FOXO3: variants seen among roughly 807,000 people sequenced by gnomAD.
FOXO3 encodes forkhead box protein O3.
A neutral mutation model predicts 41.9 loss-of-function variants in FOXO3; 4 were observed. That is an observed-to-expected ratio of 0.10 (90% CI 0.05 to 0.22). FOXO3 has a LOEUF of 0.22. FOXO3 is among the 10% of genes least tolerant of loss of function. The pLI, the probability that FOXO3 is intolerant of heterozygous loss-of-function variation, is 1.00. For missense variants in FOXO3, 534 were observed against 906.8 expected (o/e 0.59, Z 5.28); for synonymous variants, 318 against 389.3 (o/e 0.82, Z 2.16).
chr6:108,617,391 A>C lies in FOXO3; in HGVS notation c.622-46064A>C, dbSNP rs1777543456. Among the ~76,000 whole-genome samples the C allele has an allele frequency of 4.6e-5, 7 of 151,944 alleles. No individual in the cohort carries two copies. The South Asian group carries it at 1.5e-3, about 32-fold the overall frequency. ...ATACCAGGCATTGTGAATTTTACATAGTTTTTTTTTCATATTAAACAAGAA... is the reference window on the plus strand; with the variant it reads ...ATACCAGGCATTGTGAATTTTACATCGTTTTTTTTTCATATTAAACAAGAA... On this transcript the variant is annotated intron_variant, in intron 1 of 2. Transcript: ENST00000406360.
At chr6:108,647,984 A>G (rs1033531304) in intron 1 of FOXO3, among the ~76,000 whole-genome samples, 7 of 152,186 alleles carry the variant, frequency 4.6e-5, no homozygotes, top group African/African-American at 1.7e-4. Flanking sequence ...GAAAGAAGAA[A>G]ATTTATGTGG....
Position 108,683,285 on chromosome 6 carries a change from C to T in FOXO3, c.*3493C>T, listed in dbSNP as rs973130397. The T allele has an allele frequency of 1.5e-4, 23 of 152,110 alleles. 1 individual carries two copies. Among genetic ancestry groups the T allele is most frequent in the Admixed American group, 1.4e-3 (21 of 15,264 alleles). The allele number at this position is 152,110 out of a possible 1,614,324, so 9.4% of individuals were successfully genotyped here. On this transcript the variant is annotated 3_prime_UTR_variant, in exon 3 of 3. Transcript: ENST00000406360. ...CTTACTACTCAGGACAAGTATGCCCCGCTCAGGGTGTGATTTCAGGTGGCT... is the reference window on the plus strand; with the variant it reads ...CTTACTACTCAGGACAAGTATGCCCTGCTCAGGGTGTGATTTCAGGTGGCT...
chr6:108,644,673 C>A (rs780463380), intron 1 of FOXO3, among the ~76,000 whole-genome samples: 15 of 152,302 alleles, frequency 9.8e-5, no homozygotes, highest in East Asian at 1.9e-4. Context: ...TCCATTTCCT[C>A]TCTAGGTACA....
At chr6:108,672,911 G>T (rs1779258659) in intron 2 of FOXO3, among the ~76,000 whole-genome samples, 1 of 151,880 alleles carries the variant, frequency 6.6e-6, no homozygotes, top group South Asian at 2.1e-4. Flanking sequence ...GATTCTTCAG[G>T]GGAAATCAGT....
intron 1 of FOXO3, among the ~76,000 whole-genome samples, chr6:108,642,519 C>T (rs547175593): frequency 6.6e-6 from 1 of 152,098 alleles, no homozygotes; most frequent in African/African-American, 2.4e-5. Flanking sequence ...CAAGAAACTA[C>T]AGAAAATAAG....
At chr6:108,579,381 G>C (rs887820839) in intron 1 of FOXO3, among the ~76,000 whole-genome samples, 1 of 152,168 alleles carries the variant, frequency 6.6e-6, no homozygotes, top group Non-Finnish European at 1.5e-5. Context: ...ACATCAGAAG[G>C]TCCACATGGA....
chr6:108,634,993 T>C (rs1418895917), intron 1 of FOXO3, among the ~76,000 whole-genome samples: 1 of 151,688 alleles, frequency 6.6e-6, no homozygotes, highest in Non-Finnish European at 1.5e-5. Context: ...TATAAGAATT[T>C]AAAATTTTAT....
At chr6:108,562,069 G>A (rs1189331150) in intron 1 of FOXO3, among the ~76,000 whole-genome samples, 5 of 152,144 alleles carry the variant, frequency 3.3e-5, no homozygotes, top group African/African-American at 4.8e-5. Context: ...GAGGAGAGGG[G>A]GCAGGGGACG....
At chr6:108,649,670 G>A (rs1194420231) in intron 1 of FOXO3, among the ~76,000 whole-genome samples, 2 of 151,832 alleles carry the variant, frequency 1.3e-5, no homozygotes, top group Non-Finnish European at 2.9e-5. Context: ...GATTACAGGT[G>A]TGAGCCCTGT....
intron 1 of FOXO3, among the ~76,000 whole-genome samples, chr6:108,600,152 A>C (rs1037198300): frequency 6.6e-6 from 1 of 152,180 alleles, no homozygotes; most frequent in Non-Finnish European, 1.5e-5. Flanking sequence ...TTTAGTGACT[A>C]CTGACATAAC....
At chr6:108,618,118 C>G in intron 1 of FOXO3, 1 of 820,878 alleles carries the variant, frequency 1.2e-6, no homozygotes, top group Non-Finnish European at 2.2e-6. Flanking sequence ...AGAGTCTGAT[C>G]TGCCTCATGG....
chr6:108,581,754 A>G (rs545139675), intron 1 of FOXO3, among the ~76,000 whole-genome samples: 2 of 152,342 alleles, frequency 1.3e-5, no homozygotes, highest in East Asian at 1.9e-4. Context: ...TGAGAGAGGC[A>G]TTCTGTCTGT....
intron 1 of FOXO3, among the ~76,000 whole-genome samples, chr6:108,624,955 T>C (rs925676038): frequency 6.6e-6 from 1 of 152,136 alleles, no homozygotes; most frequent in African/African-American, 2.4e-5. Context: ...TGTTTTGTTT[T>C]GTTTTTTAAA....
intron 1 of FOXO3, among the ~76,000 whole-genome samples, chr6:108,566,408 GA>G: frequency 6.6e-6 from 1 of 152,070 alleles, no homozygotes; most frequent in Admixed American, 6.6e-5. Flanking sequence ...CTTTTATTTG[GA>G]AAATTAATGA....
intron 1 of FOXO3, chr6:108,618,004 T>C: frequency 3.2e-6 from 2 of 633,900 alleles, no homozygotes; most frequent in African/African-American, 1.8e-5. Context: ...CCCTTCTCAG[T>C]AGACACCTCC....
chr6:108,631,964 A>G (rs1777987663), intron 1 of FOXO3, among the ~76,000 whole-genome samples: 2 of 152,196 alleles, frequency 1.3e-5, no homozygotes, highest in East Asian at 3.9e-4. Flanking sequence ...GTCCTGCAGA[A>G]TGTCCCACAT....
chr6:108,597,557 T>C (rs1776918866), intron 1 of FOXO3, among the ~76,000 whole-genome samples: 1 of 152,242 alleles, frequency 6.6e-6, no homozygotes, highest in African/African-American at 2.4e-5. Context: ...TTATGGATTC[T>C]GTTGGCTAAA....
intron 2 of FOXO3, among the ~76,000 whole-genome samples, chr6:108,676,196 C>G (rs1012932336): frequency 1.3e-5 from 2 of 152,142 alleles, no homozygotes; most frequent in South Asian, 4.1e-4. Context: ...GGAGAGAGGG[C>G]GTCTTCCCTT....
chr6:108,624,312 T>TA (rs201342359), intron 1 of FOXO3, among the ~76,000 whole-genome samples: 3,120 of 142,074 alleles, frequency 0.022, 55 homozygotes, highest in African/African-American at 0.052. Context: ...GAATAATGGT[T>TA]AAAAAAAAAA....
Sources: allele counts gnomAD v4.1 joint callset (sites outside exome capture counted in the v4.1 genomes callset), GRCh38; gene constraint gnomAD v4.1.1; transcripts MANE v1.5; gene names NCBI Gene and HGNC (gene_info 2026-07-23, HGNC 2026-07-21).